MKS1: variants seen among roughly 807,000 people sequenced by gnomAD.
MKS1 encodes MKS transition zone complex subunit 1.
MKS1 carries 70 observed loss-of-function variants against 83.7 expected under a neutral mutation model. The ratio of observed to expected loss-of-function variants is 0.84; its 90% CI spans 0.69 to 1.02. MKS1 has a LOEUF of 1.02. MKS1 is among the 50% of genes least tolerant of loss of function. MKS1 has a pLI of 0.00. For missense variants in MKS1, 681 were observed against 726.9 expected (o/e 0.94, Z 0.73); for synonymous variants, 251 against 273.4 (o/e 0.92, Z 0.81).
At chr17:58,219,240 GACGCGCCGCGACTGCGCCGGAAA>G (rs1358019098) in exon 1 of MKS1, 5 of 1,549,918 alleles carry the variant, frequency 3.2e-6, no homozygotes, top group East Asian at 1.2e-4. Context: ...TGACAGCTGC[GACGCGCCGCGACTGCGCCGGAAA>G]GCGCGCCGCT....
chr17:58,214,130 A>T, intron 6 of MKS1, 129 bp downstream of exon 6: 4 of 1,398,728 alleles, frequency 2.9e-6, no homozygotes, highest in Admixed American at 1.8e-5. Flanking sequence ...CTTCACTCAT[A>T]ACTAAGAAGA....
At chr17:58,211,268 T>G (rs1373351856) in intron 9 of MKS1, 1 of 552,578 alleles carries the variant, frequency 1.8e-6, no homozygotes, top group African/African-American at 1.9e-5. Context: ...GGGAAATTAT[T>G]CAAGCAACAG....
In MKS1 at chr17:58,205,671, C is replaced by G; in HGVS notation, c.*408G>C. 1 of 1,310,992 alleles carries G rather than the reference C, an allele frequency of 7.6e-7. No individual in the cohort carries two copies. The highest frequency in any genetic ancestry group is 1.2e-5 in the South Asian group (1 of 81,104). 81.2% of individuals were successfully genotyped at this position (1,310,992 alleles called of 1,614,324 possible). A position where few individuals can be genotyped will look rare whatever the true frequency, so the allele number is the denominator to read the frequency against. ...GATTTAAGACCCTCTCACCGTCCAC[C>G]TTCCTTCCTTCTTTGGTCTTGGAAG... On this transcript the variant is annotated 3_prime_UTR_variant, in exon 18 of 18. Transcript: ENST00000393119.
intron 2 of MKS1, among the ~76,000 whole-genome samples, chr17:58,218,305 G>T (rs368843480): frequency 8.6e-5 from 13 of 151,798 alleles, no homozygotes; most frequent in African/African-American, 3.1e-4. Context: ...AAAATTAGCC[G>T]GGCGTGGTGG....
In MKS1 at chr17:58,206,917, T is replaced by G; in HGVS notation, c.1407+168A>C. On this transcript the variant is annotated intron_variant, in intron 15 of 17. Transcript: ENST00000393119. The stretch of plus-strand genomic sequence containing the variant: ...CCTCCTACGATAGCAGTGTAGATAT[T>G]GGAACCTGATTCAAAATGTGGTCAT... 3 of 920,280 alleles carry G rather than the reference T, an allele frequency of 3.3e-6. No homozygotes were observed. In the South Asian group the frequency reaches 4.3e-5, roughly 13 times the overall value. 57.0% of individuals were successfully genotyped at this position (920,280 alleles called of 1,614,324 possible). A position where few individuals can be genotyped will look rare whatever the true frequency, so the allele number is the denominator to read the frequency against.
At position 58,207,875 on chromosome 17, in the gene MKS1, G is replaced by C. The variant is rs777226399; in HGVS notation, c.1273+19C>G. 8.7e-6 allele frequency: 14 copies of C among 1,602,272 alleles called. No individual in the cohort carries two copies. Among genetic ancestry groups the C allele is most frequent in the Non-Finnish European group, 8.6e-7 (1 of 1,169,588 alleles). On this transcript the variant is annotated intron_variant, in intron 14 of 17. Coordinates refer to ENST00000393119, the MANE Select transcript of MKS1 (RefSeq NM_017777.4). ...GCCTAGGGCATGTGGGCCACAGAAGGGCAGAGACGAGCGGTTACCTGGAGT... is the reference window on the plus strand; with the variant it reads ...GCCTAGGGCATGTGGGCCACAGAAGCGCAGAGACGAGCGGTTACCTGGAGT...
At chr17:58,211,999 TTA>T (rs1160516337) in intron 9 of MKS1, among the ~76,000 whole-genome samples, 43 of 152,264 alleles carry the variant, frequency 2.8e-4, no homozygotes, top group African/African-American at 1.0e-3. Context: ...TTTAAATTAA[TTA>T]TAAAGTAATA....
Position 58,215,654 on chromosome 17 carries a change from G to A in MKS1, c.417+434C>T, listed in dbSNP as rs183695323. 4.1e-5 allele frequency: 8 copies of A among 196,216 alleles called. 1 individual carries two copies. Among genetic ancestry groups the A allele is most frequent in the Admixed American group, 2.6e-4 (5 of 19,004 alleles). 12.2% of individuals were successfully genotyped at this position (196,216 alleles called of 1,614,324 possible). On this transcript the variant is annotated intron_variant, in intron 4 of 17. Coordinates refer to ENST00000393119, the MANE Select transcript of MKS1 (RefSeq NM_017777.4). ...AGGGTATTTTTGTCATAGGCAAATT[G>A]AGGACATAAGCCATTTTCCATAGCT...
chr17:58,206,074 G>A lies in MKS1; in HGVS notation c.*5C>T. On this transcript the variant is annotated 3_prime_UTR_variant, in exon 18 of 18. Transcript: ENST00000393119. ...TCTTGCACTGTGGGCCAGGGCTGCTGTGAGCTAGGAGACCAGGGTTCCAGA... is the reference window on the plus strand; with the variant it reads ...TCTTGCACTGTGGGCCAGGGCTGCTATGAGCTAGGAGACCAGGGTTCCAGA... 1 of 1,608,664 alleles carries A rather than the reference G, an allele frequency of 6.2e-7. No homozygotes were observed. Among genetic ancestry groups the A allele is most frequent in the Non-Finnish European group, 8.5e-7 (1 of 1,178,094 alleles).
chr17:58,210,440 G>A lies in MKS1; in HGVS notation c.1024+219C>T, dbSNP rs57926249. On this transcript the variant is annotated intron_variant, in intron 11 of 17. Coordinates refer to ENST00000393119, the MANE Select transcript of MKS1 (RefSeq NM_017777.4). ...AAGTGTGGAGCCAGAAGCCAGAGAAGTGTGTCATGCAGCACAGTGGGCTCT... is the reference window on the plus strand; with the variant it reads ...AAGTGTGGAGCCAGAAGCCAGAGAAATGTGTCATGCAGCACAGTGGGCTCT... 0.14 allele frequency among the ~76,000 whole-genome samples: 22,017 copies of A among 152,128 alleles called. 2,469 individuals are homozygous for A. The highest frequency in any genetic ancestry group is 0.31 in the African/African-American group (13,051 of 41,458).
intron 11 of MKS1, 25 bp from the exon 12 acceptor site, chr17:58,208,608 T>G: frequency 6.2e-7 from 1 of 1,607,290 alleles, no homozygotes; most frequent in African/African-American, 1.3e-5. Context: ...CCAAATATAG[T>G]AAGCTCGCCT....
chr17:58,212,539 G>T, intron 8 of MKS1, 105 bp from the exon 9 acceptor site: 1 of 1,270,130 alleles, frequency 7.9e-7, no homozygotes, highest in Non-Finnish European at 1.1e-6. Context: ...GTCAGCAAGA[G>T]CTGGAGGCGT....
intron 5 of MKS1, 150 bp from the exon 6 acceptor site, chr17:58,214,537 C>T (rs1381685927): frequency 3.0e-6 from 4 of 1,353,476 alleles, no homozygotes; most frequent in Non-Finnish European, 4.1e-6. Context: ...ACAGAAATGA[C>T]ATCCCTTCCC....
At chr17:58,216,844 T>C in intron 2 of MKS1, 108 bp from the exon 3 acceptor site, 1 of 1,159,238 alleles carries the variant, frequency 8.6e-7, no homozygotes, top group Non-Finnish European at 1.3e-6. Context: ...CCACAAAAAC[T>C]AGCTGGAATT....
chr17:58,216,248 G>C lies in MKS1; in HGVS notation c.262-5C>G. 1 of 1,611,656 alleles carries C rather than the reference G, an allele frequency of 6.2e-7. No homozygotes were observed. The highest frequency in any genetic ancestry group is 8.5e-7 in the Non-Finnish European group (1 of 1,179,872). On this transcript the variant is annotated splice_polypyrimidine_tract_variant and splice_region_variant and intron_variant, in intron 3 of 17. Transcript: ENST00000393119. ...TTGGTACAGATCTACTTCAAACTGA[G>C]GTTACCATAAGGAAACAGAGATGTG...
rs1328045431 is a variant in MKS1 at position 58,216,538 on chromosome 17, T to C, written c.261+128A>G. ...GGCAATCCCTATGTTACAATGCCCT[T>C]TAAACACAACAGGGGAAAGTATAAA... On this transcript the variant is annotated intron_variant, in intron 3 of 17. Coordinates refer to ENST00000393119, the MANE Select transcript of MKS1 (RefSeq NM_017777.4). 5 of 1,127,204 alleles carry C rather than the reference T, an allele frequency of 4.4e-6. No homozygotes were observed. The Admixed American group carries it at 5.8e-5, about 13-fold the overall frequency. The allele number at this position is 1,127,204 out of a possible 1,614,324, so 69.8% of individuals were successfully genotyped here.
chr17:58,206,881 T>C (rs1968545121), intron 15 of MKS1: 2 of 702,234 alleles, frequency 2.8e-6, no homozygotes, highest in Non-Finnish European at 4.7e-6. Flanking sequence ...AATTATACTA[T>C]TTTCCAGAGA....
At position 58,213,052 on chromosome 17, in the gene MKS1, T is replaced by C. The variant is rs1968973019; in HGVS notation, c.788A>G (p.Tyr263Cys). ...GTGGGGGGAAACATTGTCGATCGTA[T>C]ATTTCCACAGCTCCTGCTTCTCCCC... ...TEGEKQELWK[Y>C]TIDNVSPHAQ... The change falls in exon 8 of 18, where the codon TAT (tyrosine) becomes TGT (cysteine). Residue 263 changes from tyrosine (Y) to cysteine (C), a missense_variant. By Grantham distance (194) the Tyr-to-Cys change is radical (BLOSUM62 -2). Transcript: ENST00000393119. 6.2e-7 allele frequency: 1 copy of C among 1,614,034 alleles called. No homozygotes were observed. Among genetic ancestry groups the C allele is most frequent in the Non-Finnish European group, 8.5e-7 (1 of 1,180,048 alleles).
rs760184188 is a variant in MKS1 at position 58,207,899 on chromosome 17, G to A, written c.1268C>T (p.Thr423Ile). The change falls in exon 14 of 18, where the codon ACT becomes ATT. Residue 423 changes from threonine (T) to isoleucine (I), a missense_variant. By Grantham distance (89) the Thr-to-Ile change is moderately conservative. Around this residue, in one of 3 missense-constraint regions of MKS1, gnomAD observed 310 missense variants for 321.7 expected, o/e 0.96. Coordinates refer to ENST00000393119, the MANE Select transcript of MKS1 (RefSeq NM_017777.4). ...GGGCAGAGACGAGCGGTTACCTGGA[G>A]TGGCAGGCAGCACCACAGCCCCATA... ...EGYGAVVLPATPGSHTLTVST... is the reference protein window; with the variant it reads ...EGYGAVVLPAIPGSHTLTVST... 9.9e-6 allele frequency: 16 copies of A among 1,613,626 alleles called. No homozygotes were observed. The highest frequency in any genetic ancestry group is 1.3e-5 in the Non-Finnish European group (15 of 1,179,726).
Sources: gnomAD v4.1 joint callset for allele counts (sites outside exome capture counted in the v4.1 genomes callset) on GRCh38, gnomAD v4.1.1 for gene constraint, gnomAD v4.1.1 regional missense constraint, MANE v1.5 for transcripts, NCBI Gene and HGNC (gene_info 2026-07-23, HGNC 2026-07-21) for gene names.